FBN3: variants seen among roughly 807,000 people sequenced by gnomAD.
FBN3 encodes fibrillin 3.
A neutral mutation model predicts 330.1 loss-of-function variants in FBN3; 234 were observed. The observed-to-expected ratio is 0.71, with a 90% confidence interval of 0.64 to 0.79. FBN3 has a LOEUF of 0.79. Among genes scored for constraint, FBN3 ranks in the 30% least tolerant of loss-of-function variants. FBN3 has a pLI of 0.00. For missense variants in FBN3, 3,606 were observed against 3,886.9 expected (o/e 0.93, Z 1.92); for synonymous variants, 1,458 against 1,517.3 (o/e 0.96, Z 0.91).
Position 8,123,458 on chromosome 19 carries a change from A to G in FBN3, c.3082+6T>C. ...GCTCTCTCCAAGAGGCAGAGGTGGC[A>G]CCTACCTGTGCAGTTCCGTTCCTGG... On this transcript the variant is annotated splice_donor_region_variant and intron_variant, in intron 24 of 63. Coordinates refer to ENST00000600128, the MANE Select transcript of FBN3 (RefSeq NM_032447.5). The G allele has an allele frequency of 6.2e-7, 1 of 1,613,254 alleles. No individual in the cohort carries two copies.
At chr19:8,100,654 T>C (rs1226094200) in intron 41 of FBN3, among the ~76,000 whole-genome samples, 1 of 152,204 alleles carries the variant, frequency 6.6e-6, no homozygotes, top group African/African-American at 2.4e-5. Context: ...GTAAATTTTA[T>C]GTTGCATATA....
chr19:8,139,524 A>G (rs2083364371), intron 8 of FBN3, among the ~76,000 whole-genome samples: 1 of 151,972 alleles, frequency 6.6e-6, no homozygotes, highest in Admixed American at 6.6e-5. Context: ...CCAGTGGGAT[A>G]CCAGGCAGGG....
At chr19:8,144,029 C>T (rs77166896) in intron 6 of FBN3, among the ~76,000 whole-genome samples, 1,540 of 152,052 alleles carry the variant, frequency 0.01, 27 homozygotes, top group African/African-American at 0.036. Flanking sequence ...AGGTTGATCT[C>T]AAACTCCTGG....
chr19:8,071,925 G>C, intron 63 of FBN3, 123 bp downstream of exon 63: 1 of 993,046 alleles, frequency 1.0e-6, no homozygotes, highest in South Asian at 1.6e-5. Context: ...TGGGGAACCT[G>C]TTGGGATCTG....
chr19:8,133,607 C>T (rs1340760186), intron 13 of FBN3, among the ~76,000 whole-genome samples: 4 of 152,056 alleles, frequency 2.6e-5, no homozygotes, highest in East Asian at 1.9e-4. Flanking sequence ...TGTACCACCA[C>T]GCCCGGCTAA....
chr19:8,123,668 T>G, intron 23 of FBN3, 79 bp from the exon 24 acceptor site: 1 of 1,600,594 alleles, frequency 6.2e-7, no homozygotes, highest in Non-Finnish European at 8.5e-7. Context: ...GGGTTCTTAG[T>G]GCCTCGCCTT....
intron 30 of FBN3, among the ~76,000 whole-genome samples, chr19:8,114,083 C>G (rs1037821774): frequency 2.0e-5 from 3 of 151,596 alleles, no homozygotes; most frequent in African/African-American, 7.3e-5. Flanking sequence ...AAGATGGAGA[C>G]AGAGACTGGA....
chr19:8,142,809 C>G (rs2083444516), intron 6 of FBN3, among the ~76,000 whole-genome samples: 1 of 150,846 alleles, frequency 6.6e-6, no homozygotes, highest in African/African-American at 2.4e-5. Context: ...CCCCACCCCC[C>G]AGCTGTCCTG....
At position 8,096,975 on chromosome 19, in the gene FBN3, G is replaced by T. The variant is rs773603284; in HGVS notation, c.5319C>A (p.Pro1773=). 1.5e-5 allele frequency: 24 copies of T among 1,613,604 alleles called. 1 individual carries two copies. The South Asian group carries it at 2.4e-4, about 16-fold the overall frequency. ...DVDECGSRES[P]CQQNADCINI... ...TGATGCAGTCAGCATTCTGCTGGCA[G>T]GGACTCTCCCTGCTGCCACACTCAT... The change falls in exon 43 of 64, where the codon CCC becomes CCA. Residue 1773 remains proline (P), a synonymous_variant. Transcript: ENST00000600128. This position sits in a 1 kb window ranked among gnomAD's most constrained non-coding sequence, Gnocchi z 4.6.
chr19:8,115,482 C>T, intron 30 of FBN3, 33 bp downstream of exon 30: 1 of 1,609,746 alleles, frequency 6.2e-7, no homozygotes, highest in Non-Finnish European at 8.5e-7. Flanking sequence ...CCCGGGGAGT[C>T]CCCTCTGCCT....
At chr19:8,098,458 GGGAC>G (rs1195768627) in intron 41 of FBN3, among the ~76,000 whole-genome samples, 2 of 151,430 alleles carry the variant, frequency 1.3e-5, no homozygotes, top group Non-Finnish European at 3.0e-5. Flanking sequence ...CCATCAGTGG[GGGAC>G]TGGAAACAAA....
At position 8,121,254 on chromosome 19, in the gene FBN3, C is replaced by A. The variant is rs912351410; in HGVS notation, c.3211+4G>T. On this transcript the variant is annotated splice_donor_region_variant and intron_variant, in intron 25 of 63. Coordinates refer to ENST00000600128, the MANE Select transcript of FBN3 (RefSeq NM_032447.5). The surrounding 1 kb of genome is among the most constrained non-coding windows in gnomAD (Gnocchi z 4.5). The stretch of plus-strand genomic sequence containing the variant: ...CACCACACCCCTGCCCGGCAGTCAC[C>A]GACCCATGCAGTTCTTCATCAGCAT... The A allele has an allele frequency of 6.3e-7, 1 of 1,595,400 alleles. No homozygotes were observed. Among genetic ancestry groups the A allele is most frequent in the African/African-American group, 1.3e-5 (1 of 74,710 alleles).
rs774190935 is a variant in FBN3 at position 8,147,380 on chromosome 19, T to C, written c.101A>G (p.Asp34Gly). 35 of 1,598,996 alleles carry C rather than the reference T, an allele frequency of 2.2e-5. 1 individual carries two copies. The South Asian group carries it at 3.9e-4, about 18-fold the overall frequency. The change falls in exon 2 of 64, where the codon GAC (aspartate) becomes GGC (glycine). Residue 34 changes from aspartate (D) to glycine (G), a missense_variant. Transcript: ENST00000600128. ...LCMAGGQGRW[D>G]GALEAAGPGR... ...AGGACCTGCAGCCTCCAAGGCCCCG[T>C]CCCAGCGGCCTTGGCCACCTGCCAT... is the stretch of plus-strand genomic sequence containing the variant.
At position 8,136,482 on chromosome 19, in the gene FBN3, G is replaced by C; in HGVS notation, c.1251C>G (p.Asn417Lys). 1 of 1,614,200 alleles carries C rather than the reference G, an allele frequency of 6.2e-7. No homozygotes were observed. The highest frequency in any genetic ancestry group is 8.5e-7 in the Non-Finnish European group (1 of 1,180,024). The change falls in exon 11 of 64, where the codon AAC (asparagine) becomes AAG (lysine). Residue 417 changes from asparagine (N) to lysine (K), a missense_variant. Physicochemically the swap from Asn to Lys is moderately conservative, Grantham distance 94. Coordinates refer to ENST00000600128, the MANE Select transcript of FBN3 (RefSeq NM_032447.5). ...GCAGGCAGCGGCCATTCAGACACAG[G>C]TTGGTGAAGTGTCGGCAGATGTCAA... is the stretch of plus-strand genomic sequence containing the variant. Reference protein sequence around the residue: ...QTIDICRHFTNLCLNGRCLPT... With the variant: ...QTIDICRHFTKLCLNGRCLPT...
chr19:8,114,843 G>A (rs1263538963), intron 30 of FBN3, among the ~76,000 whole-genome samples: 4 of 151,814 alleles, frequency 2.6e-5, no homozygotes, highest in African/African-American at 7.2e-5. Flanking sequence ...CTGGGTTCAC[G>A]CCATTCTCCT....
At chr19:8,106,031 T>C in intron 38 of FBN3, 77 bp downstream of exon 38, 1 of 1,573,066 alleles carries the variant, frequency 6.4e-7, no homozygotes, top group Non-Finnish European at 8.7e-7. Context: ...TCCTCTACCC[T>C]TGTGAGGCTT....
Position 8,096,141 on chromosome 19 carries a change from G to T in FBN3, c.5540-61C>A. 1.5e-6 allele frequency: 2 copies of T among 1,290,754 alleles called. No individual in the cohort carries two copies. Among genetic ancestry groups the T allele is most frequent in the Non-Finnish European group, 2.3e-6 (2 of 886,364 alleles). 80.0% of individuals were successfully genotyped at this position (1,290,754 alleles called of 1,614,324 possible). ...CCCAGGGCATTGGGGAACTTGGGGA[G>T]TGAGAGGCCAGCTGGACCTAGCACT... is the stretch of plus-strand genomic sequence containing the variant. On this transcript the variant is annotated intron_variant, in intron 44 of 63. Transcript: ENST00000600128. This position sits in a 1 kb window ranked among gnomAD's most constrained non-coding sequence, Gnocchi z 4.6.
At chr19:8,113,370 T>C (rs1446291252) in intron 30 of FBN3, among the ~76,000 whole-genome samples, 1 of 152,150 alleles carries the variant, frequency 6.6e-6, no homozygotes, top group Non-Finnish European at 1.5e-5. Flanking sequence ...CTCCTGGTCT[T>C]AAGCAATCCT....
chr19:8,082,018 C>T (rs1051422226), intron 57 of FBN3, among the ~76,000 whole-genome samples: 7 of 148,088 alleles, frequency 4.7e-5, no homozygotes, highest in Admixed American at 1.3e-4. Context: ...GGCTGGAATG[C>T]GATGGCGCAA....
Sources: allele counts gnomAD v4.1 joint callset (sites outside exome capture counted in the v4.1 genomes callset), GRCh38; gene constraint gnomAD v4.1.1; non-coding constraint Gnocchi (gnomAD v3.1); transcripts MANE v1.5; gene names NCBI Gene and HGNC (gene_info 2026-07-23, HGNC 2026-07-21).